The following USP25 variants were observed in gnomAD, a reference collection of about 807,000 sequenced individuals.
USP25 encodes ubiquitin specific peptidase 25.
In USP25, 85 loss-of-function variants were observed where a neutral mutation model predicts 158.5. The observed-to-expected ratio is 0.54, with a 90% CI of 0.45 to 0.64. The LOEUF (loss-of-function observed/expected upper bound fraction) is 0.64, where lower values mean the gene tolerates loss of function less well. Among genes scored for constraint, USP25 ranks in the 30% least tolerant of loss-of-function variants. The probability of loss-of-function intolerance (pLI) is 0.00; values close to 1 mark genes in which losing one functional copy is unlikely to be tolerated. For missense variants in USP25, 1,242 were observed against 1,327.3 expected (o/e 0.94, Z 1.00); for synonymous variants, 464 against 460.4 (o/e 1.01, Z -0.10).
intron 9 of USP25, 62 bp downstream of exon 9, chr21:15,811,272 TCG>T: frequency 3.5e-6 from 5 of 1,430,976 alleles, no homozygotes; most frequent in Non-Finnish European, 4.8e-6. Context: ...TTCATTCGTC[TCG>T]ATAGTTACTA....
intron 1 of USP25, among the ~76,000 whole-genome samples, chr21:15,751,249 C>G (rs2032993171): frequency 6.6e-6 from 1 of 152,110 alleles, no homozygotes; most frequent in South Asian, 2.1e-4. Context: ...ACATTCCTGC[C>G]AGTAGCTCTT....
rs775871814 is a variant in USP25 at position 15,833,468 on chromosome 21, C to T, written c.2114C>T (p.Ala705Val). 1.9e-6 allele frequency: 3 copies of T among 1,613,914 alleles called. No individual in the cohort carries two copies. Among genetic ancestry groups the T allele is most frequent in the East Asian group, 4.5e-5 (2 of 44,858 alleles). ...GAAAAAGAACTAGAAGAATGGGATG[C>T]ACAACTTGCCCAGAAAGCTTTGCAG... ...RFEKELEEWD[A>V]QLAQKALQEK... Residue 705 changes from alanine to valine, a missense_variant, in exon 17 of 26, where the codon GCA becomes GTA. Transcript: ENST00000400183.
chr21:15,775,137 A>C (rs2034563417), intron 3 of USP25, among the ~76,000 whole-genome samples: 1 of 152,160 alleles, frequency 6.6e-6, no homozygotes, highest in Admixed American at 6.5e-5. Context: ...TCAGAATTTC[A>C]GTGATTTCAT....
chr21:15,782,504 G>A (rs1004724913), intron 4 of USP25, among the ~76,000 whole-genome samples: 6 of 152,154 alleles, frequency 3.9e-5, no homozygotes, highest in Non-Finnish European at 5.9e-5. Flanking sequence ...AGAGACAGTC[G>A]TACAACCTTT....
intron 21 of USP25, among the ~76,000 whole-genome samples, chr21:15,865,110 G>T (rs902127352): frequency 2.0e-5 from 3 of 151,946 alleles, no homozygotes; most frequent in Non-Finnish European, 4.4e-5. Flanking sequence ...TATTTCCAGA[G>T]AATGTTTTCT....
At chr21:15,811,274 G>C in intron 9 of USP25, 64 bp downstream of exon 9, 1 of 1,418,704 alleles carries the variant, frequency 7.0e-7, no homozygotes, top group Non-Finnish European at 9.7e-7. Flanking sequence ...CATTCGTCTC[G>C]ATAGTTACTA....
intron 1 of USP25, among the ~76,000 whole-genome samples, chr21:15,735,497 G>A (rs913732536): frequency 6.6e-6 from 1 of 152,192 alleles, no homozygotes; most frequent in Non-Finnish European, 1.5e-5. Flanking sequence ...TTATATAAGG[G>A]ACTTTGACAT....
At chr21:15,758,093 C>T (rs189615977) in intron 1 of USP25, among the ~76,000 whole-genome samples, 8 of 152,264 alleles carry the variant, frequency 5.3e-5, no homozygotes, top group African/African-American at 1.9e-4. Context: ...ATTAAAATGC[C>T]GATCCCTAGA....
At chr21:15,859,992 T>TATATATATATATATATA (rs1491579050) in intron 20 of USP25, among the ~76,000 whole-genome samples, 9 of 84,836 alleles carry the variant, frequency 1.1e-4, no homozygotes, top group African/African-American at 6.5e-4. Context: ...TATATCTATA[T>TATATATATATATATATA]TTTTTTTTTT....
intron 4 of USP25, among the ~76,000 whole-genome samples, chr21:15,781,039 A>G (rs1435873284): frequency 1.3e-5 from 2 of 152,192 alleles, no homozygotes; most frequent in Non-Finnish European, 2.9e-5. Flanking sequence ...TTCCTGGGCT[A>G]CAAGGTTGTG....
At chr21:15,829,835 C>T (rs1159190979) in intron 14 of USP25, among the ~76,000 whole-genome samples, 1 of 151,994 alleles carries the variant, frequency 6.6e-6, no homozygotes, top group Non-Finnish European at 1.5e-5. Context: ...TATAAGGTTA[C>T]TAGTTTTCTG....
chr21:15,844,592 A>C (rs957661665), intron 18 of USP25, among the ~76,000 whole-genome samples: 4 of 152,112 alleles, frequency 2.6e-5, no homozygotes, highest in Non-Finnish European at 4.4e-5. Context: ...GAAAGCGTAG[A>C]ATCATGGAAA....
At chr21:15,869,606 GAAGTT>G (rs1268270972) in intron 22 of USP25, among the ~76,000 whole-genome samples, 1 of 152,048 alleles carries the variant, frequency 6.6e-6, no homozygotes, top group Non-Finnish European at 1.5e-5. Flanking sequence ...ACATATTTGC[GAAGTT>G]AAAAGGTTAA....
At position 15,818,911 on chromosome 21, in the gene USP25, T is replaced by C. The variant is rs1202846549; in HGVS notation, c.1080+65T>C. The C allele has an allele frequency of 5.2e-6, 8 of 1,528,248 alleles. No homozygotes were observed. In the Admixed American group the frequency reaches 1.1e-4, roughly 21 times the overall value. 94.7% of individuals were successfully genotyped at this position (1,528,248 alleles called of 1,614,324 possible). On this transcript the variant is annotated intron_variant, in intron 10 of 25. Coordinates refer to ENST00000400183, the MANE Select transcript of USP25 (RefSeq NM_001283041.3). ...TCTTTCTTACAATGCTATAGCACAA[T>C]GTAAGGTTCTAATTATAGAGCTACC...
At chr21:15,864,513 A>G in intron 21 of USP25, 67 bp downstream of exon 21, 3 of 1,402,446 alleles carry the variant, frequency 2.1e-6, no homozygotes, top group South Asian at 2.8e-5. Flanking sequence ...GATTCCCAGG[A>G]TAATTTTTTG....
At chr21:15,834,243 G>A (rs1179865284) in intron 17 of USP25, among the ~76,000 whole-genome samples, 1 of 152,110 alleles carries the variant, frequency 6.6e-6, no homozygotes, top group Non-Finnish European at 1.5e-5. Flanking sequence ...ATAGTTTCTA[G>A]TAAAATTGAA....
chr21:15,758,019 A>C (rs1436843914), intron 1 of USP25, among the ~76,000 whole-genome samples: 1 of 152,220 alleles, frequency 6.6e-6, no homozygotes, highest in African/African-American at 2.4e-5. Context: ...TCACTTAAAT[A>C]GTTGTATGTG....
intron 20 of USP25, among the ~76,000 whole-genome samples, chr21:15,862,689 A>G (rs2039480712): frequency 6.6e-6 from 1 of 151,166 alleles, no homozygotes; most frequent in African/African-American, 2.4e-5. Context: ...ATTAAAATAC[A>G]GTTGATATTT....
chr21:15,755,248 T>C (rs1007717685), intron 1 of USP25, among the ~76,000 whole-genome samples: 13 of 152,100 alleles, frequency 8.5e-5, no homozygotes, highest in African/African-American at 3.1e-4. Context: ...TCCCCAAGGA[T>C]GGAAACCTTT....
Sources: allele counts gnomAD v4.1 joint callset (sites outside exome capture counted in the v4.1 genomes callset), GRCh38; gene constraint gnomAD v4.1.1; transcripts MANE v1.5; gene names NCBI Gene and HGNC (gene_info 2026-07-23, HGNC 2026-07-21).